Variants in MYPN observed in about 807,000 individuals in gnomAD.
The protein encoded by MYPN is myopalladin.
MYPN carries 63 observed loss-of-function variants against 129.4 expected under a neutral mutation model. That is an observed-to-expected ratio of 0.49 (90% CI 0.40 to 0.60). MYPN has a LOEUF of 0.60. MYPN is among the 20% of genes least tolerant of loss of function. The probability of loss-of-function intolerance (pLI) is 0.00; values close to 1 mark genes in which losing one functional copy is unlikely to be tolerated. For synonymous variants in MYPN, 629 were observed against 600.9 expected (o/e 1.05, Z -0.68); for missense variants, 1,596 against 1,635.4 (o/e 0.98, Z 0.42).
intron 8 of MYPN, chr10:68,162,018 A>G (rs918572016): frequency 3.4e-6 from 1 of 291,686 alleles, no homozygotes; most frequent in Non-Finnish European, 6.4e-6. Flanking sequence ...AAATATAAAA[A>G]TTAGCCAGGC....
chr10:68,198,715 G>A (rs7100561), intron 16 of MYPN, among the ~76,000 whole-genome samples: 88,138 of 151,998 alleles, frequency 0.58, 27,537 homozygotes, highest in Non-Finnish European at 0.69. Flanking sequence ...AGATTCAAGA[G>A]CTCTGGTTTA....
chr10:68,141,230 G>A (rs772037033), intron 2 of MYPN, among the ~76,000 whole-genome samples: 24 of 152,114 alleles, frequency 1.6e-4, no homozygotes, highest in East Asian at 3.9e-4. Flanking sequence ...TTAGCTGGGC[G>A]TGGTGGTGTG....
At chr10:68,165,450 T>TC (rs1564674297) in intron 8 of MYPN, 1 of 541,598 alleles carries the variant, frequency 1.8e-6, no homozygotes, top group East Asian at 4.5e-5. Context: ...AGACTCCACC[T>TC]AAAAAAACAA....
intron 6 of MYPN, among the ~76,000 whole-genome samples, chr10:68,154,154 G>A (rs1298124309): frequency 6.6e-6 from 1 of 152,182 alleles, no homozygotes; most frequent in African/African-American, 2.4e-5. Flanking sequence ...TGTGGATAGA[G>A]ATAGACTATC....
At chr10:68,121,401 A>G in intron 1 of MYPN, 37 bp from the exon 2 acceptor site, 2 of 1,588,722 alleles carry the variant, frequency 1.3e-6, no homozygotes, top group Non-Finnish European at 1.7e-6. Flanking sequence ...TTCCCTAGAA[A>G]TGATCCAAAC....
Position 68,211,641 on chromosome 10 carries a change from T to C in MYPN, c.*1186T>C, listed in dbSNP as rs2043918188. 4.4e-6 allele frequency: 2 copies of C among 454,148 alleles called. No individual in the cohort carries two copies. The highest frequency in any genetic ancestry group is 8.8e-6 in the Non-Finnish European group (2 of 226,796). The allele number at this position is 454,148 out of a possible 1,614,324, so 28.1% of individuals were successfully genotyped here. A position where few individuals can be genotyped will look rare whatever the true frequency, so the allele number is the denominator to read the frequency against. The stretch of plus-strand genomic sequence containing the variant: ...AGACTTAAGTTCACTGTGATATCCC[T>C]AGTACCTAGAAGAGTACCTAGCACA... On this transcript the variant is annotated 3_prime_UTR_variant, in exon 20 of 20. Coordinates refer to ENST00000358913, the MANE Select transcript of MYPN (RefSeq NM_032578.4).
Position 68,174,130 on chromosome 10 carries a change from C to G in MYPN, c.2038C>G (p.Pro680Ala), listed in dbSNP as rs758078596. ...ACTGGAACAACACCAATTGCAAAAC[C>G]CACCTCCTTCATCTCCTAAGGAGTT... ...VLLEQHQLQN[P>A]PPSSPKEFPF... The change falls in exon 11 of 20, where the codon CCA (proline) becomes GCA (alanine). Residue 680 changes from proline to alanine, a missense_variant. Transcript: ENST00000358913. The G allele has an allele frequency of 8.7e-6, 14 of 1,613,982 alleles. No individual in the cohort carries two copies. The African/African-American group carries it at 1.6e-4, about 18-fold the overall frequency.
chr10:68,100,009 T>G (rs957272961), intron 1 of MYPN, among the ~76,000 whole-genome samples: 15 of 152,182 alleles, frequency 9.9e-5, no homozygotes, highest in African/African-American at 3.6e-4. Context: ...TGCAATTTCT[T>G]CTCTGATCTT....
At position 68,185,271 on chromosome 10, in the gene MYPN, G is replaced by T. The variant is rs113889665; in HGVS notation, c.2704-3634G>T. On this transcript the variant is annotated intron_variant, in intron 12 of 19. Transcript: ENST00000358913. ...AAGGAAAAAAGAAAAGAGAAAAAAA[G>T]AAAGAAAGAAACTGGGACTTCTGCT... 3.0e-3 allele frequency among the ~76,000 whole-genome samples: 457 copies of T among 151,266 alleles called. 4 individuals carry two copies. The highest frequency in any genetic ancestry group is 0.01 in the African/African-American group (426 of 40,786).
Position 68,188,921 on chromosome 10 carries a change from G to A in MYPN, c.2720G>A (p.Ser907Asn). The change falls in exon 13 of 20, where the codon AGC becomes AAC. Residue 907 changes from serine to asparagine, a missense_variant. Transcript: ENST00000358913. ...RPNQQEYKISSFEQRLMNEIE... is the reference protein window; with the variant it reads ...RPNQQEYKISNFEQRLMNEIE... ...TTTTGACAGGAGTACAAAATTTCAA[G>A]CTTTGAGCAGAGGCTGATGAATGAA... is the stretch of plus-strand genomic sequence containing the variant. The A allele has an allele frequency of 6.2e-7, 1 of 1,613,880 alleles. No homozygotes were observed. Among genetic ancestry groups the A allele is most frequent in the Non-Finnish European group, 8.5e-7 (1 of 1,179,922 alleles).
chr10:68,192,902 TTCTC>T (rs1294603012), intron 13 of MYPN, among the ~76,000 whole-genome samples: 1 of 152,076 alleles, frequency 6.6e-6, no homozygotes, highest in African/African-American at 2.4e-5. Flanking sequence ...GTCTTCTCTC[TTCTC>T]TCTTTCTTTC....
Position 68,121,743 on chromosome 10 carries a change from C to G in MYPN, c.305C>G (p.Pro102Arg). 2 of 1,614,206 alleles carry G rather than the reference C, an allele frequency of 1.2e-6. No homozygotes were observed. Among genetic ancestry groups the G allele is most frequent in the Non-Finnish European group, 1.7e-6 (2 of 1,180,038 alleles). ...ACTCAAGCTAGAAAACGACTTTCTC[C>G]TGATCAGATGAAACACTCACCTAAT... is the stretch of plus-strand genomic sequence containing the variant. ...DETQARKRLS[P>R]DQMKHSPNLS... is the part of the protein sequence containing the mutation. The change falls in exon 2 of 20, where the codon CCT becomes CGT. Residue 102 changes from proline to arginine, a missense_variant. Coordinates refer to ENST00000358913, the MANE Select transcript of MYPN (RefSeq NM_032578.4).
At chr10:68,171,155 AAAAG>A (rs901675458) in intron 10 of MYPN, among the ~76,000 whole-genome samples, 5 of 151,512 alleles carry the variant, frequency 3.3e-5, no homozygotes, top group African/African-American at 1.2e-4. Flanking sequence ...TCAAAAAAAA[AAAAG>A]AAAGAAAGAA....
intron 2 of MYPN, among the ~76,000 whole-genome samples, chr10:68,139,938 A>G (rs1183707620): frequency 6.6e-6 from 1 of 152,200 alleles, no homozygotes; most frequent in Non-Finnish European, 1.5e-5. Flanking sequence ...TAAAATAAAC[A>G]AGTATATAAG....
At chr10:68,108,554 C>T (rs2042040021), upstream of MYPN, among the ~76,000 whole-genome samples, 1 of 152,142 alleles carries the variant, frequency 6.6e-6, no homozygotes, top group South Asian at 2.1e-4. Flanking sequence ...CAATGTGTTT[C>T]ATGCTATCAG....
chr10:68,165,414 T>C (rs1434115913), intron 8 of MYPN: 1 of 480,664 alleles, frequency 2.1e-6, no homozygotes, highest in Admixed American at 2.3e-5. Flanking sequence ...ATCTTGCCAC[T>C]GCGCTCCAGC....
At position 68,199,558 on chromosome 10, in the gene MYPN, T is replaced by A. The variant is rs1422495386; in HGVS notation, c.3476T>A (p.Leu1159Gln). The change falls in exon 17 of 20, where the codon CTG (leucine) becomes CAG (glutamine). Residue 1159 changes from leucine (L) to glutamine (Q), a missense_variant. Coordinates refer to ENST00000358913, the MANE Select transcript of MYPN (RefSeq NM_032578.4). ...AAAACCGGGCAGAATTCTTTTAGTCTGGAGCTCTCTGTAGTAGGTAAGGTT... is the reference window on the plus strand; with the variant it reads ...AAAACCGGGCAGAATTCTTTTAGTCAGGAGCTCTCTGTAGTAGGTAAGGTT... ...TNKTGQNSFS[L>Q]ELSVVAKEVK... 7 of 1,610,250 alleles carry A rather than the reference T, an allele frequency of 4.3e-6. No homozygotes were observed. Among genetic ancestry groups the A allele is most frequent in the Non-Finnish European group, 5.9e-6 (7 of 1,178,562 alleles).
chr10:68,136,864 A>G, intron 2 of MYPN: 14 of 966,962 alleles, frequency 1.4e-5, no homozygotes, highest in Non-Finnish European at 1.9e-5. Flanking sequence ...TTAAAAGCCA[A>G]ATGTTATTAA....
At chr10:68,198,001 C>T (rs1427625693) in intron 16 of MYPN, among the ~76,000 whole-genome samples, 1 of 152,146 alleles carries the variant, frequency 6.6e-6, no homozygotes, top group African/African-American at 2.4e-5. Flanking sequence ...GAACGAAACA[C>T]AATTGAAAAC....
Sources: allele counts gnomAD v4.1 joint callset (sites outside exome capture counted in the v4.1 genomes callset), GRCh38; gene constraint gnomAD v4.1.1; transcripts MANE v1.5; gene names NCBI Gene and HGNC (gene_info 2026-07-23, HGNC 2026-07-21).